The following ECT2 variants were observed in gnomAD, a reference collection of about 807,000 sequenced individuals.
The protein encoded by ECT2 is protein ECT2.
Under a neutral mutation model 116.9 loss-of-function variants are expected in ECT2, and 61 were observed. That is an observed-to-expected ratio of 0.52 (90% confidence interval 0.42 to 0.65). The LOEUF (loss-of-function observed/expected upper bound fraction) is 0.65. ECT2 is among the 30% of genes least tolerant of loss of function. The pLI, the probability that ECT2 is intolerant of heterozygous loss-of-function variation, is 0.00. For missense variants in ECT2, 937 were observed against 1,078.7 expected, an observed-to-expected ratio of 0.87 and a Z score of 1.84; for synonymous variants, 358 against 346.4, an observed-to-expected ratio of 1.03 and a Z score of -0.37.
chr3:172,793,486 T>C (rs1725050732), intron 18 of ECT2, among the ~76,000 whole-genome samples: 1 of 150,560 alleles, frequency 6.6e-6, no homozygotes, highest in African/African-American at 2.5e-5. Flanking sequence ...CTTTTTAAGA[T>C]GGAGTCTTAC....
At chr3:172,751,391 ACCT>A (rs1715784112) in intron 1 of ECT2, among the ~76,000 whole-genome samples, 1 of 152,122 alleles carries the variant, frequency 6.6e-6, no homozygotes, top group Non-Finnish European at 1.5e-5. Context: ...GGCTTTGAAT[ACCT>A]CTTTTACCCC....
chr3:172,777,275 TC>T (rs778642790), intron 14 of ECT2, among the ~76,000 whole-genome samples: 2 of 150,774 alleles, frequency 1.3e-5, no homozygotes, highest in Non-Finnish European at 2.9e-5. Flanking sequence ...GGCAAACTAA[TC>T]TTAAGTTTTT....
chr3:172,754,022 G>A (rs1450042878), intron 1 of ECT2, among the ~76,000 whole-genome samples: 2 of 152,108 alleles, frequency 1.3e-5, no homozygotes, highest in African/African-American at 2.4e-5. Context: ...GTCATTGAAC[G>A]TATAGAGAAG....
At chr3:172,818,624 G>A (rs1404249823) in intron 24 of ECT2, 1 of 1,288,920 alleles carries the variant, frequency 7.8e-7, no homozygotes, top group Admixed American at 2.3e-5. Context: ...AACTCTACTG[G>A]TGGGCGCTCT....
intron 2 of ECT2, 63 bp downstream of exon 2, chr3:172,754,723 TTTC>T (rs1576824638): frequency 1.6e-6 from 2 of 1,278,856 alleles, no homozygotes; most frequent in South Asian, 1.5e-5. Context: ...TATTAGTGAC[TTTC>T]TTAAGATTTA....
intron 18 of ECT2, among the ~76,000 whole-genome samples, chr3:172,791,088 A>G (rs958308152): frequency 6.6e-6 from 1 of 152,224 alleles, no homozygotes; most frequent in Admixed American, 6.5e-5. Context: ...CAGTAGCTGG[A>G]TGTTGCAGTG....
intron 18 of ECT2, among the ~76,000 whole-genome samples, chr3:172,802,271 ACCC>A (rs1309616797): frequency 6.6e-6 from 1 of 151,802 alleles, no homozygotes; most frequent in Non-Finnish European, 1.5e-5. Context: ...CTGCCACCAT[ACCC>A]AGCTAATTTT....
chr3:172,767,426 G>A (rs1421768972), intron 12 of ECT2, among the ~76,000 whole-genome samples: 1 of 152,080 alleles, frequency 6.6e-6, no homozygotes, highest in Non-Finnish European at 1.5e-5. Context: ...GGGGGACAGA[G>A]TGAGTCTCCA....
rs765891768 is a variant in ECT2, at chr3:172,762,705, C to T, written c.904C>T (p.Pro302Ser). 3 of 1,609,988 alleles carry T rather than the reference C, an allele frequency of 1.9e-6. No homozygotes were observed. Among genetic ancestry groups the T allele is most frequent in the Admixed American group, 1.7e-5 (1 of 59,150 alleles). The change falls in exon 10 of 25, where the codon CCG (proline) becomes TCG (serine). Residue 302 changes from proline to serine, a missense_variant. Physicochemically the swap from Pro to Ser is moderately conservative, Grantham distance 74. Coordinates refer to ENST00000392692, the MANE Select transcript of ECT2 (RefSeq NM_001258315.2). Reference sequence around the variant, plus strand: ...TTCCTTTTTAGGAGGTAAATATTTACCGCTTGGAGATGAAAGATGCACTCA... The same window carrying T: ...TTCCTTTTTAGGAGGTAAATATTTATCGCTTGGAGATGAAAGATGCACTCA... Reference protein sequence around the residue: ...MTEMQGGKYLPLGDERCTHLV... With the variant: ...MTEMQGGKYLSLGDERCTHLV...
In ECT2 at chr3:172,763,043, A is replaced by G. The variant is rs1035243768; in HGVS notation, c.1068+71A>G. ...TTGAAAATAACACTTTTCTGTCCAG[A>G]AGGTTTAGAAGCATGTTTAGGAATT... On this transcript the variant is annotated intron_variant, in intron 11 of 24. Transcript: ENST00000392692. 29 of 1,479,254 alleles carry G rather than the reference A, an allele frequency of 2.0e-5. 1 individual carries two copies. The Admixed American group carries it at 5.7e-4, about 29-fold the overall frequency. The allele number at this position is 1,479,254 out of a possible 1,614,324, so 91.6% of individuals were successfully genotyped here.
intron 11 of ECT2, 64 bp from the exon 12 acceptor site, chr3:172,764,214 C>A: frequency 7.2e-7 from 1 of 1,390,686 alleles, no homozygotes; most frequent in Non-Finnish European, 1.0e-6. Context: ...ATATATTTTT[C>A]TCTTGTTCCT....
At chr3:172,754,255 T>G (rs913823653) in intron 1 of ECT2, among the ~76,000 whole-genome samples, 2 of 152,192 alleles carry the variant, frequency 1.3e-5, no homozygotes, top group Non-Finnish European at 2.9e-5. Context: ...GTTGAGTGTT[T>G]GTTGTATGTC....
chr3:172,829,037 G>T, the ECT2 span: 1 of 780,508 alleles, frequency 1.3e-6, no homozygotes, highest in South Asian at 1.3e-5. Flanking sequence ...ACCTGGAGTG[G>T]GGAGCTGCTG....
In ECT2 at chr3:172,754,664, A is replaced by G. The variant is rs766547704; in HGVS notation, c.130+4A>G. The G allele has an allele frequency of 6.3e-7, 1 of 1,595,526 alleles. No homozygotes were observed. The highest frequency in any genetic ancestry group is 1.1e-5 in the South Asian group (1 of 88,850). Reference sequence around the variant, plus strand: ...GGATCTACTTCATATGTAGAAGGTAAACCTGTTACCTGCTTTAAAACAATC... The same window carrying G: ...GGATCTACTTCATATGTAGAAGGTAGACCTGTTACCTGCTTTAAAACAATC... On this transcript the variant is annotated splice_donor_region_variant and intron_variant, in intron 2 of 24. Transcript: ENST00000392692.
At position 172,756,977 on chromosome 3, in the gene ECT2, G is replaced by GAAAAGGACATTAAA; in HGVS notation, c.304-5_312dup. ...TTTTTATTTCTGCTAACTATATGAT[G>GAAAAGGACATTAAA]AAAAGGACATTAAAGTGGGCTTTGT... On this transcript the variant is annotated splice_polypyrimidine_tract_variant and splice_region_variant and intron_variant, in intron 4 of 24. Transcript: ENST00000392692. 6.3e-7 allele frequency: 1 copy of GAAAAGGACATTAAA among 1,596,248 alleles called. No individual in the cohort carries two copies. Among genetic ancestry groups the GAAAAGGACATTAAA allele is most frequent in the Non-Finnish European group, 8.5e-7 (1 of 1,174,984 alleles).
intron 5 of ECT2, among the ~76,000 whole-genome samples, chr3:172,758,298 A>G (rs973512552): frequency 9.2e-5 from 14 of 152,168 alleles, no homozygotes; most frequent in Non-Finnish European, 1.6e-4. Context: ...ATTGTTACAC[A>G]TGTTAGTAAT....
chr3:172,760,023 A>G, intron 6 of ECT2, 133 bp from the exon 7 acceptor site: 1 of 530,934 alleles, frequency 1.9e-6, no homozygotes, highest in Admixed American at 4.0e-5. Flanking sequence ...ATAAAATTTA[A>G]TAGCTTTATA....
In ECT2 at chr3:172,820,278, C is replaced by T. The variant is rs1258092189; in HGVS notation, c.*41C>T. The T allele has an allele frequency of 7.1e-7, 1 of 1,409,140 alleles. No individual in the cohort carries two copies. Among genetic ancestry groups the T allele is most frequent in the Non-Finnish European group, 9.8e-7 (1 of 1,022,804 alleles). 87.3% of individuals were successfully genotyped at this position (1,409,140 alleles called of 1,614,324 possible). On this transcript the variant is annotated 3_prime_UTR_variant, in exon 25 of 25. Transcript: ENST00000392692. ...TTAAATTATAGAAATGTATAGACACCTCATACTCAAATAAGAAACTGACTT... is the reference window on the plus strand; with the variant it reads ...TTAAATTATAGAAATGTATAGACACTTCATACTCAAATAAGAAACTGACTT...
At chr3:172,814,729 T>C (rs1729392316) in intron 22 of ECT2, among the ~76,000 whole-genome samples, 1 of 152,186 alleles carries the variant, frequency 6.6e-6, no homozygotes, top group Non-Finnish European at 1.5e-5. Flanking sequence ...TTGATACATG[T>C]ATACATTGTG....
Sources: allele counts gnomAD v4.1 joint callset (sites outside exome capture counted in the v4.1 genomes callset), GRCh38; gene constraint gnomAD v4.1.1; transcripts MANE v1.5; gene names NCBI Gene and HGNC (gene_info 2026-07-23, HGNC 2026-07-21).